NUP85: variants seen among roughly 807,000 people sequenced by gnomAD.
NUP85 encodes nucleoporin 85, also known as nuclear pore complex protein Nup85.
Under a neutral mutation model 92.8 loss-of-function variants are expected in NUP85, and 23 were observed. That is an observed-to-expected ratio of 0.25 (90% CI 0.18 to 0.35). NUP85 has a LOEUF of 0.35. NUP85 is among the 10% of genes least tolerant of loss of function. The pLI is 1.00. For missense variants in NUP85, 759 were observed against 822.8 expected, an observed-to-expected ratio of 0.92 and a Z score of 0.95; for synonymous variants, 314 against 306.9, an observed-to-expected ratio of 1.02 and a Z score of -0.24.
chr17:75,212,087 CGTGTGT>C (rs555503834), intron 4 of NUP85, 25 bp downstream of exon 4: 2 of 1,202,680 alleles, frequency 1.7e-6, no homozygotes, highest in African/African-American at 1.7e-5. Flanking sequence ...CGCGTGCGCG[CGTGTGT>C]GTGTGTGTGT....
At chr17:75,230,445 C>T (rs544185842) in intron 11 of NUP85, among the ~76,000 whole-genome samples, 3 of 151,832 alleles carry the variant, frequency 2.0e-5, no homozygotes, top group South Asian at 4.2e-4. Context: ...CTGCAAGCCC[C>T]GCCTCCTAGG....
At chr17:75,218,597 T>TTTTG (rs1399932485) in intron 7 of NUP85, among the ~76,000 whole-genome samples, 1 of 140,278 alleles carries the variant, frequency 7.1e-6, no homozygotes, top group African/African-American at 2.6e-5. Flanking sequence ...CGTTTTTTTT[T>TTTTG]TTTTTTTTTT....
rs1007965619 is a variant in NUP85, at chr17:75,225,149, T to C, written c.644T>C (p.Met215Thr). 9 of 1,601,426 alleles carry C rather than the reference T, an allele frequency of 5.6e-6. No individual in the cohort carries two copies. Among genetic ancestry groups the C allele is most frequent in the Non-Finnish European group, 7.7e-6 (9 of 1,172,546 alleles). Reference sequence around the variant, plus strand: ...GGCCGGCTGGATGAGGCCCGACAGATGCTCTCCAAGGAAGCCGATGCCAGC... The same window carrying C: ...GGCCGGCTGGATGAGGCCCGACAGACGCTCTCCAAGGAAGCCGATGCCAGC... The part of the protein sequence containing the change: ...LQGRLDEARQ[M>T]LSKEADASPA... The change falls in exon 8 of 19, where the codon ATG becomes ACG. Residue 215 changes from methionine (M) to threonine (T), a missense_variant. Transcript: ENST00000245544.
rs1375126642 is a variant in NUP85, at chr17:75,231,116, A to G, written c.1095-224A>G. 9.6e-6 allele frequency: 5 copies of G among 518,716 alleles called. No individual in the cohort carries two copies. In the East Asian group the frequency reaches 1.0e-4, roughly 11 times the overall value. 32.1% of individuals were successfully genotyped at this position (518,716 alleles called of 1,614,324 possible). ...CTGGCTAATTTTTGTATTTGTAGAG[A>G]TGGGGTTTTGCCATGTTGCCCAGGC... On this transcript the variant is annotated intron_variant, in intron 11 of 18. Coordinates refer to ENST00000245544, the MANE Select transcript of NUP85 (RefSeq NM_024844.5). The surrounding 1 kb of genome is among the most constrained non-coding windows in gnomAD (Gnocchi z 4.6).
At chr17:75,225,035 C>T in intron 7 of NUP85, 68 bp from the exon 8 acceptor site, 1 of 1,482,620 alleles carries the variant, frequency 6.7e-7, no homozygotes, top group Non-Finnish European at 9.0e-7. Context: ...GGTGAGGGGA[C>T]TGGCCTCCTC....
intron 16 of NUP85, among the ~76,000 whole-genome samples, chr17:75,234,049 CTTCTT>C (rs1341718983): frequency 9.3e-5 from 9 of 96,822 alleles, no homozygotes; most frequent in South Asian, 3.7e-4. Flanking sequence ...CTCCATGTTT[CTTCTT>C]TTTTTTTTTT....
intron 6 of NUP85, 77 bp downstream of exon 6, chr17:75,215,900 A>G (rs2075416445): frequency 1.6e-6 from 2 of 1,233,850 alleles, no homozygotes; most frequent in East Asian, 2.3e-5. Context: ...TTTCCTGTGC[A>G]TGGTGATGAG....
chr17:75,208,963 C>T (rs2075174812), intron 2 of NUP85, among the ~76,000 whole-genome samples: 1 of 151,952 alleles, frequency 6.6e-6, no homozygotes, highest in Non-Finnish European at 1.5e-5. Flanking sequence ...AGGCTGGTCT[C>T]GCACTCCTGG....
At chr17:75,234,506 ATC>A in intron 16 of NUP85, 129 bp from the exon 17 acceptor site, 1 of 835,638 alleles carries the variant, frequency 1.2e-6, no homozygotes, top group Non-Finnish European at 1.9e-6. Context: ...ACAGAAAAAA[ATC>A]TCCTGCTTTG....
At chr17:75,232,176 A>T in intron 14 of NUP85, 197 bp downstream of exon 14, 1 of 602,524 alleles carries the variant, frequency 1.7e-6, no homozygotes, top group Non-Finnish European at 2.8e-6. Flanking sequence ...ATCCACTGGA[A>T]CCCAGACAAA....
At chr17:75,235,441 T>A in intron 18 of NUP85, 137 bp from the exon 19 acceptor site, 1 of 651,866 alleles carries the variant, frequency 1.5e-6, no homozygotes. Context: ...TTGGTATTGC[T>A]TTCTTTTACA....
intron 6 of NUP85, among the ~76,000 whole-genome samples, chr17:75,217,765 C>T (rs184592355): frequency 1.4e-4 from 22 of 152,304 alleles, no homozygotes; most frequent in African/African-American, 4.3e-4. Context: ...CCTTAGCCTC[C>T]GAAAGTGCTG....
rs143880506 is a variant in NUP85, at chr17:75,215,647, G to A, written c.406-107G>A. On this transcript the variant is annotated intron_variant, in intron 5 of 18. Transcript: ENST00000245544. ...TCCAGTAGGATTGCAGTAACCTTTG[G>A]GTTAAGGAATGACTGTCATATGAGT... 6.0e-6 allele frequency: 6 copies of A among 992,268 alleles called. No homozygotes were observed. The African/African-American group carries it at 8.0e-5, about 13-fold the overall frequency. 61.5% of individuals were successfully genotyped at this position (992,268 alleles called of 1,614,324 possible). A position where few individuals can be genotyped will look rare whatever the true frequency, so the allele number is the denominator to read the frequency against.
intron 1 of NUP85, among the ~76,000 whole-genome samples, chr17:75,206,799 ACC>A (rs1201639171): frequency 6.7e-6 from 1 of 149,386 alleles, no homozygotes; most frequent in East Asian, 2.0e-4. Context: ...CCGGGTTCAC[ACC>A]ATTCTCCTGC....
In NUP85 at chr17:75,231,966, G is replaced by A; in HGVS notation, c.1383G>A (p.Gln461=). The part of the protein sequence containing the change: ...LKVLRICEQR[Q]MTEQVRSICK... Reference sequence around the variant, plus strand: ...TGCTGCGGATCTGTGAGCAGCGGCAGATGACTGAACAAGGTGAGCTGGCCC... The same window carrying A: ...TGCTGCGGATCTGTGAGCAGCGGCAAATGACTGAACAAGGTGAGCTGGCCC... Residue 461 remains glutamine (Q), a synonymous_variant, in exon 14 of 19, where the codon CAG becomes CAA. Transcript: ENST00000245544. The surrounding 1 kb of genome is among the most constrained non-coding windows in gnomAD (Gnocchi z 4.6). The A allele has an allele frequency of 6.2e-7, 1 of 1,614,238 alleles. No homozygotes were observed.
Position 75,211,972 on chromosome 17 carries a change from T to C in NUP85, c.291-20T>C, listed in dbSNP as rs756987970. On this transcript the variant is annotated intron_variant, in intron 3 of 18. Transcript: ENST00000245544. ...CAAGATGTTCCAGGCTCATCTTGTG[T>C]GTTATTTCATTTTTTGTAGATTGGT... 28 of 1,592,310 alleles carry C rather than the reference T, an allele frequency of 1.8e-5. No homozygotes were observed. The highest frequency in any genetic ancestry group is 6.9e-6 in the Non-Finnish European group (8 of 1,162,462).
Position 75,223,080 on chromosome 17 carries a change from G to A in NUP85, c.598-2023G>A, listed in dbSNP as rs115906575. On this transcript the variant is annotated intron_variant, in intron 7 of 18. Coordinates refer to ENST00000245544, the MANE Select transcript of NUP85 (RefSeq NM_024844.5). ...CTCAGGGCCAACAGCACTATAATTC[G>A]TGTCTGAATGAAGCTTATCTAACAC... 2.3e-3 allele frequency among the ~76,000 whole-genome samples: 349 copies of A among 149,432 alleles called. 3 individuals are homozygous for A. Among genetic ancestry groups the A allele is most frequent in the African/African-American group, 7.3e-3 (295 of 40,430 alleles).
chr17:75,214,219 C>T (rs2075360590), intron 5 of NUP85, among the ~76,000 whole-genome samples: 1 of 152,086 alleles, frequency 6.6e-6, no homozygotes, highest in Non-Finnish European at 1.5e-5. Flanking sequence ...GTATCTTTTT[C>T]CTCAGTAGAT....
chr17:75,209,678 G>A (rs1309427650), intron 2 of NUP85, 145 bp from the exon 3 acceptor site: 7 of 571,204 alleles, frequency 1.2e-5, no homozygotes, highest in Non-Finnish European at 2.0e-5. Context: ...TCCTGACCTC[G>A]TGATCTGCCT....
Sources: allele counts gnomAD v4.1 joint callset (sites outside exome capture counted in the v4.1 genomes callset), GRCh38; gene constraint gnomAD v4.1.1; non-coding constraint Gnocchi (gnomAD v3.1); transcripts MANE v1.5; gene names NCBI Gene and HGNC (gene_info 2026-07-23, HGNC 2026-07-21).